PACRG: variants seen among roughly 807,000 people sequenced by gnomAD.
The protein encoded by PACRG is parkin coregulated.
In PACRG, 29 loss-of-function variants were observed where a neutral mutation model predicts 29.7. The observed-to-expected ratio is 0.98, with a 90% CI of 0.73 to 1.33. The LOEUF is 1.33. PACRG is among the 40% of genes most tolerant of loss of function. The pLI is 0.00. For synonymous variants in PACRG, 116 were observed against 118.7 expected, an observed-to-expected ratio of 0.98 and a Z score of 0.15; for missense variants, 279 against 316.2, an observed-to-expected ratio of 0.88 and a Z score of 0.89.
At chr6:163,189,477 A>G (rs1281135337) in intron 4 of PACRG, 1 of 152,238 alleles carries the variant, frequency 6.6e-6, no homozygotes, top group Non-Finnish European at 1.5e-5. Flanking sequence ...AGGGAACTAG[A>G]TGCCTTATGC....
At chr6:163,212,832 G>A (rs1323397291) in intron 4 of PACRG, among the ~76,000 whole-genome samples, 1 of 147,622 alleles carries the variant, frequency 6.8e-6, no homozygotes, top group Non-Finnish European at 1.5e-5. Context: ...AGGCTGGATT[G>A]CAGTGGCACG....
intron 1 of PACRG, among the ~76,000 whole-genome samples, chr6:162,791,917 C>T (rs1784980881): frequency 6.6e-6 from 1 of 152,146 alleles, no homozygotes; most frequent in Non-Finnish European, 1.5e-5. Flanking sequence ...TGATGTTTCA[C>T]ATGCTGACGG....
chr6:163,132,368 A>G (rs1457376418), intron 4 of PACRG, among the ~76,000 whole-genome samples: 2 of 152,242 alleles, frequency 1.3e-5, no homozygotes, highest in African/African-American at 2.4e-5. Context: ...CTTGCAAGGA[A>G]GTAAAGAAGA....
intron 2 of PACRG, among the ~76,000 whole-genome samples, chr6:162,995,692 AC>A (rs1450624481): frequency 3.9e-5 from 6 of 151,964 alleles, no homozygotes; most frequent in Non-Finnish European, 8.8e-5. Context: ...TGCAGAAATC[AC>A]CCGTCTTCTG....
chr6:162,952,796 C>T (rs2128134027), intron 2 of PACRG, among the ~76,000 whole-genome samples: 1 of 152,272 alleles, frequency 6.6e-6, no homozygotes, highest in East Asian at 1.9e-4. Context: ...CTCCTGGGCT[C>T]ATAATTGAAT....
chr6:163,021,922 C>T (rs181358261), intron 2 of PACRG, among the ~76,000 whole-genome samples: 1 of 152,232 alleles, frequency 6.6e-6, no homozygotes, highest in Non-Finnish European at 1.5e-5. Context: ...TGATAACATT[C>T]TCTTATAAAG....
At chr6:163,097,572 G>A (rs1814710589) in intron 4 of PACRG, among the ~76,000 whole-genome samples, 1 of 152,206 alleles carries the variant, frequency 6.6e-6, no homozygotes, top group Non-Finnish European at 1.5e-5. Context: ...TGCCTAAGGT[G>A]GTTGAGTTAC....
chr6:163,127,721 A>G (rs1004572924), intron 4 of PACRG, among the ~76,000 whole-genome samples: 2 of 152,204 alleles, frequency 1.3e-5, no homozygotes, highest in African/African-American at 4.8e-5. Flanking sequence ...ATTTACAGAA[A>G]TAGTTTATCG....
rs1258621664 is a variant in PACRG at position 162,777,554 on chromosome 6, TATTA to T, written c.157-36588_157-36585del. Among the ~76,000 whole-genome samples, 2 of 152,210 alleles carry T rather than the reference TATTA, an allele frequency of 1.3e-5. No homozygotes were observed. The highest frequency in any genetic ancestry group is 4.8e-5 in the African/African-American group (2 of 41,448). On this transcript the variant is annotated intron_variant, in intron 1 of 4. Coordinates refer to ENST00000366888, the MANE Select transcript of PACRG (RefSeq NM_001080379.2). This position sits in a 1 kb window ranked among gnomAD's most constrained non-coding sequence, Gnocchi z 4.0. ...TGGTCATGGTGCTATTTATTGTTAT[TATTA>T]ATTATTAGTTTTTTAATCACAGCCT...
At chr6:162,765,706 CG>C (rs1351931046) in intron 1 of PACRG, among the ~76,000 whole-genome samples, 1 of 151,864 alleles carries the variant, frequency 6.6e-6, no homozygotes, top group Non-Finnish European at 1.5e-5. Flanking sequence ...TGGAGCATTT[CG>C]GGGGGCATTT....
chr6:162,911,990 T>C (rs1796333826), intron 2 of PACRG, among the ~76,000 whole-genome samples: 1 of 152,206 alleles, frequency 6.6e-6, no homozygotes, highest in Non-Finnish European at 1.5e-5. Context: ...TCCGCTCTTC[T>C]GCCAAAGTCC....
chr6:163,153,419 T>A (rs1412878548), intron 4 of PACRG, among the ~76,000 whole-genome samples: 2 of 152,248 alleles, frequency 1.3e-5, no homozygotes, highest in Non-Finnish European at 2.9e-5. Flanking sequence ...GATATGTTTT[T>A]ATTAAAATGC....
chr6:162,800,006 C>A (rs1030511228), intron 1 of PACRG, among the ~76,000 whole-genome samples: 4 of 152,102 alleles, frequency 2.6e-5, no homozygotes, highest in African/African-American at 9.7e-5. Flanking sequence ...TTCCTTTGGC[C>A]TTAGAGTTAG....
intron 4 of PACRG, among the ~76,000 whole-genome samples, chr6:163,229,047 A>C (rs569914285): frequency 1.1e-4 from 17 of 152,180 alleles, no homozygotes; most frequent in Non-Finnish European, 2.4e-4. Context: ...GAAAGGGCTA[A>C]ATTTCATATC....
intron 2 of PACRG, among the ~76,000 whole-genome samples, chr6:162,876,159 G>A (rs1193864073): frequency 2.0e-5 from 3 of 152,104 alleles, no homozygotes; most frequent in Admixed American, 2.0e-4. Flanking sequence ...CCATCATAGG[G>A]GGTTCCTCTC....
rs150871387 is a variant in PACRG, at chr6:162,759,539, C to T, written c.156+31148C>T. On this transcript the variant is annotated intron_variant, in intron 1 of 4. Coordinates refer to ENST00000366888, the MANE Select transcript of PACRG (RefSeq NM_001080379.2). Reference sequence around the variant, plus strand: ...TTATTTAAATGAATTTTACAATATGCTTACTCCATTATTTCATTTTCTTAG... The same window carrying T: ...TTATTTAAATGAATTTTACAATATGTTTACTCCATTATTTCATTTTCTTAG... Among the ~76,000 whole-genome samples, 60 of 152,312 alleles carry T rather than the reference C, an allele frequency of 3.9e-4. 1 individual carries two copies. In the East Asian group the frequency reaches 0.011, roughly 28 times the overall value.
At chr6:162,757,938 A>C (rs1206293726) in intron 1 of PACRG, among the ~76,000 whole-genome samples, 1 of 152,124 alleles carries the variant, frequency 6.6e-6, no homozygotes, top group Admixed American at 6.5e-5. Flanking sequence ...TGTCAAATGA[A>C]ATGAAAATTA....
chr6:163,303,915 C>A (rs1026996959), intron 4 of PACRG, among the ~76,000 whole-genome samples: 4 of 147,614 alleles, frequency 2.7e-5, no homozygotes, highest in Non-Finnish European at 1.5e-5. Flanking sequence ...ACGCAGGAGG[C>A]TGAGGCAGGA....
intron 4 of PACRG, among the ~76,000 whole-genome samples, chr6:163,309,415 G>C (rs1018810874): frequency 1.3e-5 from 2 of 152,164 alleles, no homozygotes; most frequent in African/African-American, 4.8e-5. Context: ...CAGTATAATC[G>C]TCATGTATTT....
Sources: allele counts gnomAD v4.1 joint callset (sites outside exome capture counted in the v4.1 genomes callset), GRCh38; gene constraint gnomAD v4.1.1; non-coding constraint Gnocchi (gnomAD v3.1); transcripts MANE v1.5; gene names NCBI Gene and HGNC (gene_info 2026-07-23, HGNC 2026-07-21).